Variants in TNKS2 observed in about 807,000 individuals in gnomAD.
TNKS2 encodes the protein poly [ADP-ribose] polymerase tankyrase-2.
Under a neutral mutation model 137.6 loss-of-function variants are expected in TNKS2, and 72 were observed. That is an observed-to-expected ratio of 0.52 (90% confidence interval 0.43 to 0.64). The LOEUF (loss-of-function observed/expected upper bound fraction) is 0.64. Among genes scored for constraint, TNKS2 ranks in the 30% least tolerant of loss-of-function variants. TNKS2 has a pLI of 0.00. For synonymous variants in TNKS2, 516 were observed against 512.1 expected (o/e 1.01, Z -0.10); for missense variants, 1,049 against 1,410.2 (o/e 0.74, Z 4.10).
chr10:91,856,679 G>T (rs1421515513), intron 23 of TNKS2, among the ~76,000 whole-genome samples: 7 of 152,112 alleles, frequency 4.6e-5, no homozygotes, highest in Non-Finnish European at 1.0e-4. Flanking sequence ...TGATGAAACG[G>T]GTTTTTTTTG....
chr10:91,827,095 G>GT lies in TNKS2; in HGVS notation c.875dup (p.Cys293MetfsTer19). The GT allele has an allele frequency of 6.2e-7, 1 of 1,611,994 alleles. No homozygotes were observed. The highest frequency in any genetic ancestry group is 8.5e-7 in the Non-Finnish European group (1 of 1,179,012). On this transcript the variant is annotated frameshift_variant, in exon 8 of 27. Coordinates refer to ENST00000371627, the MANE Select transcript of TNKS2 (RefSeq NM_025235.4). LOFTEE classifies it high-confidence loss of function. ...GGCAGCTTCTAAGAACAGGGTTGAA[G>GT]TATGTTCTCTTCTCTTAAGTTATGG...
chr10:91,817,857 T>C (rs1228703963), intron 3 of TNKS2, among the ~76,000 whole-genome samples: 1 of 152,190 alleles, frequency 6.6e-6, no homozygotes, highest in Non-Finnish European at 1.5e-5. Flanking sequence ...ACATATTATC[T>C]CCCTTGTTAA....
chr10:91,837,473 A>G (rs1021144239), intron 13 of TNKS2, among the ~76,000 whole-genome samples: 16 of 152,174 alleles, frequency 1.1e-4, no homozygotes, highest in Non-Finnish European at 2.1e-4. Flanking sequence ...TCTCTTTCCC[A>G]GGGCTTGCAA....
At position 91,840,551 on chromosome 10, in the gene TNKS2, T is replaced by C; in HGVS notation, c.1528-10T>C. On this transcript the variant is annotated splice_polypyrimidine_tract_variant and intron_variant, in intron 13 of 26. Coordinates refer to ENST00000371627, the MANE Select transcript of TNKS2 (RefSeq NM_025235.4). ...ATGTAGTATCATGTATGTTGTGTTT[T>C]GTCCTTCAGAAACTGTGTACTGTTC... 6.2e-7 allele frequency: 1 copy of C among 1,610,100 alleles called. No individual in the cohort carries two copies. Among genetic ancestry groups the C allele is most frequent in the Non-Finnish European group, 8.5e-7 (1 of 1,178,536 alleles).
chr10:91,806,042 C>CTTTTTT (rs34004456), intron 1 of TNKS2, among the ~76,000 whole-genome samples: 1 of 130,086 alleles, frequency 7.7e-6, no homozygotes, highest in Admixed American at 7.6e-5. Flanking sequence ...CATTCTTTCT[C>CTTTTTT]TTTTTTTTTT....
rs1844395265 is a variant in TNKS2, at chr10:91,808,292, AG to A, written c.200-4690del. 3.3e-5 allele frequency among the ~76,000 whole-genome samples: 5 copies of A among 151,756 alleles called. 1 individual carries two copies. In the South Asian group the frequency reaches 1.0e-3, roughly 32 times the overall value. ...CTTTGTGCAAGGGAAGAGCATTCCA[AG>A]CAGAAGGGTGGCATGTACCAAGTCG... On this transcript the variant is annotated intron_variant, in intron 1 of 26. Transcript: ENST00000371627.
intron 21 of TNKS2, 136 bp downstream of exon 21, chr10:91,851,472 G>T: frequency 9.5e-7 from 1 of 1,049,842 alleles, no homozygotes. Context: ...TCAGGAAACT[G>T]GGATTAAGTC....
chr10:91,834,387 A>G (rs761797439), intron 12 of TNKS2, among the ~76,000 whole-genome samples: 6 of 152,208 alleles, frequency 3.9e-5, no homozygotes, highest in South Asian at 2.1e-4. Context: ...GTAGCCAACT[A>G]TTTGGCTTAT....
intron 1 of TNKS2, among the ~76,000 whole-genome samples, chr10:91,810,981 G>A (rs987100421): frequency 2.4e-5 from 3 of 125,082 alleles, no homozygotes; most frequent in Non-Finnish European, 4.7e-5. Flanking sequence ...AGGCTGGAGT[G>A]CAGTGACGTG....
At chr10:91,832,901 A>G (rs1259126553) in intron 11 of TNKS2, among the ~76,000 whole-genome samples, 2 of 151,910 alleles carry the variant, frequency 1.3e-5, no homozygotes, top group African/African-American at 4.8e-5. Context: ...CTAACATTTT[A>G]CTCTAGTGTT....
chr10:91,846,230 C>G (rs1282276940), intron 18 of TNKS2, among the ~76,000 whole-genome samples: 1 of 151,938 alleles, frequency 6.6e-6, no homozygotes, highest in Non-Finnish European at 1.5e-5. Flanking sequence ...CTAAACAGAC[C>G]CAGGCCCTCA....
intron 9 of TNKS2, 45 bp downstream of exon 9, chr10:91,828,451 G>C (rs1572934): frequency 3.8e-5 from 57 of 1,484,220 alleles, no homozygotes; most frequent in Non-Finnish European, 5.0e-5. Context: ...AACGAAGAAC[G>C]TGCTAAACTA....
At chr10:91,842,967 A>G (rs918757683) in intron 16 of TNKS2, among the ~76,000 whole-genome samples, 1 of 152,158 alleles carries the variant, frequency 6.6e-6, no homozygotes, top group Non-Finnish European at 1.5e-5. Flanking sequence ...TCATTATTCC[A>G]GGTAATCATT....
rs760590551 is a variant in TNKS2 at position 91,848,557 on chromosome 10, T to C, written c.2533T>C (p.Ser845Pro). 2.5e-6 allele frequency: 4 copies of C among 1,614,152 alleles called. No individual in the cohort carries two copies. Among genetic ancestry groups the C allele is most frequent in the African/African-American group, 1.3e-5 (1 of 75,036 alleles). ...LSAASSLDNL[S>P]GSFSELSSVV... The stretch of plus-strand genomic sequence containing the variant: ...TGCAGCCAGCAGTCTTGACAACTTA[T>C]CTGGGAGTTTTTCAGAACTGTCTTC... The change falls in exon 19 of 27, where the codon TCT (serine) becomes CCT (proline). Residue 845 changes from serine (S) to proline (P), a missense_variant. Physicochemically the swap from Ser to Pro is moderately conservative, Grantham distance 74. Around this residue, in one of 6 missense-constraint regions of TNKS2, gnomAD observed 208 missense variants for 231.2 expected, o/e 0.90. Transcript: ENST00000371627.
chr10:91,857,302 T>A, intron 23 of TNKS2, 123 bp from the exon 24 acceptor site: 1 of 487,502 alleles, frequency 2.1e-6, no homozygotes. Context: ...AAATAACACA[T>A]TTTATATTTC....
At chr10:91,811,783 G>A (rs2133598701) in intron 1 of TNKS2, among the ~76,000 whole-genome samples, 1 of 152,318 alleles carries the variant, frequency 6.6e-6, no homozygotes, top group Middle Eastern at 3.4e-3. Context: ...TGGAGGGCTG[G>A]GCGCAGTGGC....
chr10:91,825,372 G>A (rs2133623251), intron 7 of TNKS2, among the ~76,000 whole-genome samples: 1 of 152,210 alleles, frequency 6.6e-6, no homozygotes, highest in East Asian at 1.9e-4. Context: ...CAAAGTGCTG[G>A]AATTATAGGC....
At chr10:91,854,492 G>A (rs1842643997) in intron 21 of TNKS2, among the ~76,000 whole-genome samples, 2 of 152,174 alleles carry the variant, frequency 1.3e-5, no homozygotes, top group Admixed American at 6.5e-5. Context: ...TTTGACAAAT[G>A]TGCTATGGTT....
intron 17 of TNKS2, among the ~76,000 whole-genome samples, chr10:91,845,502 C>A (rs899748333): frequency 5.9e-5 from 9 of 152,162 alleles, no homozygotes; most frequent in African/African-American, 2.2e-4. Context: ...TTATTGAAGT[C>A]ATATTAGTCT....
Sources: gnomAD v4.1 joint callset for allele counts (sites outside exome capture counted in the v4.1 genomes callset) on GRCh38, gnomAD v4.1.1 for gene constraint, gnomAD v4.1.1 regional missense constraint, MANE v1.5 for transcripts, NCBI Gene and HGNC (gene_info 2026-07-23, HGNC 2026-07-21) for gene names.